SMAD4: variants seen among roughly 807,000 people sequenced by gnomAD.
SMAD4 encodes the protein MAD homolog 4.
SMAD4 carries 7 observed loss-of-function variants against 63.2 expected under a neutral mutation model. The ratio of observed to expected loss-of-function variants is 0.11; its 90% CI spans 0.06 to 0.21. The LOEUF is 0.21. Among genes scored for constraint, SMAD4 ranks in the 10% least tolerant of loss-of-function variants. The pLI is 1.00. For missense variants in SMAD4, 312 were observed against 693.8 expected (o/e 0.45, Z 6.18); for synonymous variants, 215 against 235.4 (o/e 0.91, Z 0.79).
chr18:51,036,451 G>A (rs1459469813), intron 1 of SMAD4, among the ~76,000 whole-genome samples: 3 of 152,076 alleles, frequency 2.0e-5, no homozygotes, highest in Admixed American at 6.6e-5. Flanking sequence ...AAGGATGACC[G>A]GAAATAATAT....
intron 8 of SMAD4, among the ~76,000 whole-genome samples, chr18:51,064,169 C>G (rs759601104): frequency 2.0e-5 from 3 of 151,978 alleles, no homozygotes; most frequent in Non-Finnish European, 4.4e-5. Context: ...TCATAAACAG[C>G]TTATTGAGAT....
intron 8 of SMAD4, among the ~76,000 whole-genome samples, chr18:51,062,293 CAAG>C (rs1910033831): frequency 6.6e-6 from 1 of 152,034 alleles, no homozygotes; most frequent in Non-Finnish European, 1.5e-5. Context: ...GTATGTAACA[CAAG>C]TAAGTATATA....
In SMAD4 at chr18:51,082,691, T is replaced by G. The variant is rs1382772033; in HGVS notation, c.*4224T>G. ...CTAAAACAGACAGGACTGTGTTGCCTTTACTAAATGGTCTGAGACAGCTAT... is the reference window on the plus strand; with the variant it reads ...CTAAAACAGACAGGACTGTGTTGCCGTTACTAAATGGTCTGAGACAGCTAT... On this transcript the variant is annotated 3_prime_UTR_variant, in exon 12 of 12. Transcript: ENST00000342988. The G allele has an allele frequency of 8.6e-6, 2 of 231,886 alleles. No individual in the cohort carries two copies. Among genetic ancestry groups the G allele is most frequent in the East Asian group, 1.2e-4 (2 of 16,428 alleles). 14.4% of individuals were successfully genotyped at this position (231,886 alleles called of 1,614,324 possible).
At chr18:51,052,404 A>G (rs1297384916) in intron 4 of SMAD4, 1 of 153,292 alleles carries the variant, frequency 6.5e-6, no homozygotes, top group Non-Finnish European at 1.5e-5. Context: ...ATGGAAAAAT[A>G]TTACAAAAGA....
chr18:51,053,918 C>T (rs1214888665), intron 4 of SMAD4: 2 of 152,062 alleles, frequency 1.3e-5, no homozygotes, highest in African/African-American at 2.4e-5. Flanking sequence ...AAAAAGCAAA[C>T]CTTAAAACAA....
In SMAD4 at chr18:51,083,846, T is replaced by TA. The variant is rs1910670834; in HGVS notation, c.*5380dup. ...TGTTCTGCTGTTTGAGGGGGCTTTT[T>TA]ACTTATTTCCATGTTATTCAAAGGA... is the stretch of plus-strand genomic sequence containing the variant. On this transcript the variant is annotated 3_prime_UTR_variant, in exon 12 of 12. Transcript: ENST00000342988. 4.3e-6 allele frequency: 1 copy of TA among 231,560 alleles called. No homozygotes were observed. Among genetic ancestry groups the TA allele is most frequent in the African/African-American group, 2.2e-5 (1 of 45,222 alleles). The allele number at this position is 231,560 out of a possible 1,614,324, so 14.3% of individuals were successfully genotyped here. A position where few individuals can be genotyped will look rare whatever the true frequency, so the allele number is the denominator to read the frequency against.
At chr18:51,061,949 C>T (rs1910025583) in intron 8 of SMAD4, among the ~76,000 whole-genome samples, 1 of 152,048 alleles carries the variant, frequency 6.6e-6, no homozygotes. Flanking sequence ...TAACTTTTCT[C>T]ATATTTTAGT....
intron 4 of SMAD4, 134 bp downstream of exon 4, chr18:51,049,458 T>C (rs988265753): frequency 4.1e-6 from 3 of 729,050 alleles, no homozygotes; most frequent in Admixed American, 2.1e-5. Flanking sequence ...TTTGGAAATG[T>C]AGATTTTGAG....
In SMAD4 at chr18:51,048,929, G is replaced by T. The variant is rs1909626979; in HGVS notation, c.424+69G>T. 2.1e-6 allele frequency: 3 copies of T among 1,402,448 alleles called. No individual in the cohort carries two copies. In the South Asian group the frequency reaches 3.5e-5, roughly 17 times the overall value. The allele number at this position is 1,402,448 out of a possible 1,614,324, so 86.9% of individuals were successfully genotyped here. A position where few individuals can be genotyped will look rare whatever the true frequency, so the allele number is the denominator to read the frequency against. On this transcript the variant is annotated intron_variant, in intron 3 of 11. Coordinates refer to ENST00000342988, the MANE Select transcript of SMAD4 (RefSeq NM_005359.6). ...GGATCTCAATAGTGTTTCAATTTTTGTAAGTTAAATTATAAATTTGGAAGA... is the reference window on the plus strand; with the variant it reads ...GGATCTCAATAGTGTTTCAATTTTTTTAAGTTAAATTATAAATTTGGAAGA...
intron 6 of SMAD4, 30 bp from the exon 7 acceptor site, chr18:51,058,310 A>G (rs1431378911): frequency 1.9e-6 from 3 of 1,610,842 alleles, no homozygotes; most frequent in Non-Finnish European, 2.5e-6. Flanking sequence ...TTATAAAAGC[A>G]AATTAACCCA....
intron 4 of SMAD4, chr18:51,052,634 G>A (rs915749557): frequency 1.1e-5 from 3 of 274,876 alleles, no homozygotes; most frequent in Non-Finnish European, 1.5e-5. Flanking sequence ...TTTTTGAATA[G>A]GCAATACATG....
intron 8 of SMAD4, among the ~76,000 whole-genome samples, chr18:51,062,764 G>T (rs1191771623): frequency 2.0e-5 from 3 of 151,278 alleles, no homozygotes; most frequent in Non-Finnish European, 4.4e-5. Context: ...CTCCCAAAAT[G>T]CTGGGATTAC....
intron 4 of SMAD4, 93 bp downstream of exon 4, chr18:51,049,417 C>A (rs2144408120): frequency 1.1e-6 from 1 of 896,782 alleles, no homozygotes; most frequent in Non-Finnish European, 1.9e-6. Flanking sequence ...GAGCGGCAGG[C>A]AGTAACATTA....
chr18:51,063,346 G>A (rs1702514043), intron 8 of SMAD4, among the ~76,000 whole-genome samples: 1 of 151,920 alleles, frequency 6.6e-6, no homozygotes, highest in African/African-American at 2.4e-5. Context: ...TCAGTTGTTT[G>A]CTGAAGCTTC....
chr18:51,035,819 G>C (rs1291585529), intron 1 of SMAD4, among the ~76,000 whole-genome samples: 2 of 152,022 alleles, frequency 1.3e-5, no homozygotes, highest in Non-Finnish European at 2.9e-5. Context: ...CTCTGTCTCT[G>C]GAAGAGCTAT....
At chr18:51,060,751 A>G (rs1010287310) in intron 8 of SMAD4, among the ~76,000 whole-genome samples, 1 of 152,126 alleles carries the variant, frequency 6.6e-6, no homozygotes, top group African/African-American at 2.4e-5. Flanking sequence ...CTCTCACCTC[A>G]GCTTCTAGAG....
chr18:51,053,480 C>T (rs1023446859), intron 4 of SMAD4: 26 of 151,918 alleles, frequency 1.7e-4, no homozygotes, highest in African/African-American at 6.3e-4. Flanking sequence ...TAATTTGTTA[C>T]GCATCCTTTT....
intron 1 of SMAD4, among the ~76,000 whole-genome samples, chr18:51,037,495 A>G (rs1318652227): frequency 1.3e-5 from 2 of 152,186 alleles, no homozygotes; most frequent in Admixed American, 1.3e-4. Flanking sequence ...TGTGTTCTTT[A>G]TAGTCAAACA....
chr18:51,078,227 T>A, intron 11 of SMAD4, 29 bp from the exon 12 acceptor site: 1 of 1,577,314 alleles, frequency 6.3e-7, no homozygotes, highest in South Asian at 1.1e-5. Flanking sequence ...ACCCTGTCCC[T>A]CTGATGTCTT....
Sources: allele counts gnomAD v4.1 joint callset (sites outside exome capture counted in the v4.1 genomes callset), GRCh38; gene constraint gnomAD v4.1.1; transcripts MANE v1.5; gene names NCBI Gene and HGNC (gene_info 2026-07-23, HGNC 2026-07-21).